The following SRRM4 variants were observed in gnomAD, a reference collection of about 807,000 sequenced individuals.
The protein encoded by SRRM4 is serine/arginine repetitive matrix protein 4.
Under a neutral mutation model 68.9 loss-of-function variants are expected in SRRM4, and 33 were observed. The observed-to-expected ratio is 0.48, with a 90% CI of 0.36 to 0.64. SRRM4 has a LOEUF of 0.64. Ranked by LOEUF, SRRM4 falls within the 30% of genes least tolerant of loss-of-function variation. SRRM4 has a pLI of 0.00. For synonymous variants in SRRM4, 318 were observed against 318.8 expected (o/e 1.00, Z 0.03); for missense variants, 817 against 827.1 (o/e 0.99, Z 0.15).
chr12:119,084,445 G>A (rs1592892174), intron 1 of SRRM4, among the ~76,000 whole-genome samples: 2 of 152,328 alleles, frequency 1.3e-5, no homozygotes, highest in Admixed American at 1.3e-4. Flanking sequence ...CTATCTTGAA[G>A]AAATATGTAT....
intron 2 of SRRM4, among the ~76,000 whole-genome samples, chr12:119,105,716 T>C (rs1261779964): frequency 6.6e-6 from 1 of 152,250 alleles, no homozygotes; most frequent in Non-Finnish European, 1.5e-5. Flanking sequence ...AGATTCTGGA[T>C]ATTAGCCCTT....
chr12:119,052,499 T>TTTGTTG (rs532493541), intron 1 of SRRM4, among the ~76,000 whole-genome samples: 4 of 151,600 alleles, frequency 2.6e-5, no homozygotes, highest in Non-Finnish European at 4.4e-5. Flanking sequence ...TAACTGCTTT[T>TTTGTTG]TTGTTGTTGT....
intron 1 of SRRM4, among the ~76,000 whole-genome samples, chr12:119,036,551 T>G (rs1565894462): frequency 6.6e-6 from 1 of 152,148 alleles, no homozygotes; most frequent in African/African-American, 2.4e-5. Context: ...AATAAAGGAA[T>G]AAGACAGGTT....
intron 8 of SRRM4, 55 bp downstream of exon 8, chr12:119,130,889 G>T (rs926177230): frequency 6.5e-7 from 1 of 1,547,648 alleles, no homozygotes; most frequent in South Asian, 1.2e-5. Flanking sequence ...CTTGGGGAAT[G>T]TGGAGGCACA....
intron 6 of SRRM4, among the ~76,000 whole-genome samples, chr12:119,122,783 G>C (rs909551643): frequency 6.6e-6 from 1 of 152,202 alleles, no homozygotes; most frequent in Non-Finnish European, 1.5e-5. Flanking sequence ...GTTTTTACCT[G>C]TGCATGGGTG....
intron 1 of SRRM4, among the ~76,000 whole-genome samples, chr12:119,005,490 G>A (rs1010467411): frequency 2.6e-5 from 4 of 152,130 alleles, no homozygotes; most frequent in Non-Finnish European, 5.9e-5. Flanking sequence ...CGCTCCCTAG[G>A]TGATCCTAAT....
chr12:119,021,477 G>C (rs375058391), intron 1 of SRRM4, among the ~76,000 whole-genome samples: 3 of 152,184 alleles, frequency 2.0e-5, no homozygotes, highest in East Asian at 3.9e-4. Flanking sequence ...TAGGCAGGCA[G>C]GAACTTGAGC....
At chr12:119,147,609 C>G (rs1303712266) in intron 9 of SRRM4, among the ~76,000 whole-genome samples, 3 of 152,060 alleles carry the variant, frequency 2.0e-5, no homozygotes, top group Non-Finnish European at 4.4e-5. Context: ...TTCAATCATG[C>G]TATGAAACTA....
At chr12:119,018,006 C>A (rs1449797384) in intron 1 of SRRM4, among the ~76,000 whole-genome samples, 1 of 152,156 alleles carries the variant, frequency 6.6e-6, no homozygotes, top group African/African-American at 2.4e-5. Flanking sequence ...TTAGCAGGAT[C>A]ATTGTGAATA....
chr12:119,036,950 T>C (rs11069233), intron 1 of SRRM4: 86,935 of 151,938 alleles, frequency 0.57, 26,177 homozygotes, highest in Non-Finnish European at 0.67. Context: ...ATTCTCTTCG[T>C]TTCAGCCACT....
Position 119,151,230 on chromosome 12 carries a change from G to A in SRRM4, c.1280+10G>A. On this transcript the variant is annotated intron_variant, in intron 10 of 12. Coordinates refer to ENST00000267260, the MANE Select transcript of SRRM4 (RefSeq NM_194286.4). Reference sequence around the variant, plus strand: ...CCTCTTCTGAAAAAAGGTGAGTGTGGTTTTGACCTTTGCTCTGCAGCACCT... The same window carrying A: ...CCTCTTCTGAAAAAAGGTGAGTGTGATTTTGACCTTTGCTCTGCAGCACCT... 1.2e-6 allele frequency: 2 copies of A among 1,611,974 alleles called. No individual in the cohort carries two copies. Among genetic ancestry groups the A allele is most frequent in the African/African-American group, 2.7e-5 (2 of 75,018 alleles).
chr12:119,137,710 G>T (rs559056196), intron 8 of SRRM4, among the ~76,000 whole-genome samples: 51 of 151,998 alleles, frequency 3.4e-4, no homozygotes, highest in African/African-American at 1.2e-3. Flanking sequence ...CAATGGCCTT[G>T]AGTTCATGAA....
chr12:119,100,461 T>A (rs997014431), intron 1 of SRRM4, among the ~76,000 whole-genome samples: 1 of 151,544 alleles, frequency 6.6e-6, no homozygotes, highest in African/African-American at 2.4e-5. Flanking sequence ...CTGCACTCCA[T>A]CCTGGACAAC....
intron 1 of SRRM4, among the ~76,000 whole-genome samples, chr12:119,070,625 T>C (rs59530530): frequency 0.23 from 35,089 of 151,976 alleles, 4,417 homozygotes; most frequent in East Asian, 0.32. Flanking sequence ...GAAGGTGGCA[T>C]GATATGTCCT....
At chr12:119,061,768 A>T (rs6490232) in intron 1 of SRRM4, among the ~76,000 whole-genome samples, 87,848 of 151,616 alleles carry the variant, frequency 0.58, 26,373 homozygotes, top group Middle Eastern at 0.74. Context: ...ATGGGGCTGG[A>T]TAATTATTTG....
intron 1 of SRRM4, among the ~76,000 whole-genome samples, chr12:119,018,598 CTAT>C (rs1313984399): frequency 6.6e-6 from 1 of 152,038 alleles, no homozygotes; most frequent in East Asian, 1.9e-4. Context: ...AACTCTACAG[CTAT>C]TGCAATTATT....
At chr12:119,048,168 A>G (rs1171635125) in intron 1 of SRRM4, among the ~76,000 whole-genome samples, 3 of 152,084 alleles carry the variant, frequency 2.0e-5, no homozygotes, top group Non-Finnish European at 4.4e-5. Flanking sequence ...TAGAACCCCT[A>G]TTTTACAGTG....
chr12:118,989,097 A>C (rs1953300325), intron 1 of SRRM4, among the ~76,000 whole-genome samples: 1 of 152,078 alleles, frequency 6.6e-6, no homozygotes, highest in South Asian at 2.1e-4. Flanking sequence ...GGGCCTTGTA[A>C]GCCAGTTCAG....
rs538498980 is a variant in SRRM4 at position 119,141,887 on chromosome 12, A to G, written c.772-3494A>G. Among the ~76,000 whole-genome samples the G allele has an allele frequency of 3.3e-5, 5 of 152,332 alleles. No homozygotes were observed. In the South Asian group the frequency reaches 8.3e-4, roughly 25 times the overall value. ...GAATTCAAGATTCAGTGAATGAATG[A>G]AGTGCAGTGTATTGTGCTATCCTGG... On this transcript the variant is annotated intron_variant, in intron 8 of 12. Coordinates refer to ENST00000267260, the MANE Select transcript of SRRM4 (RefSeq NM_194286.4).
Sources: gnomAD v4.1 joint callset for allele counts (sites outside exome capture counted in the v4.1 genomes callset) on GRCh38, gnomAD v4.1.1 for gene constraint, MANE v1.5 for transcripts, NCBI Gene and HGNC (gene_info 2026-07-23, HGNC 2026-07-21) for gene names.